The following NEDD9 variants were observed in gnomAD, a reference collection of about 807,000 sequenced individuals.
NEDD9 encodes neural precursor cell expressed, developmentally down-regulated 9.
In NEDD9, 26 loss-of-function variants were observed where a neutral mutation model predicts 76.6. The ratio of observed to expected loss-of-function variants is 0.34; its 90% CI spans 0.25 to 0.47. The LOEUF is 0.47. Among genes scored for constraint, NEDD9 ranks in the 20% least tolerant of loss-of-function variants. NEDD9 has a pLI of 1.00. For synonymous variants in NEDD9, 392 were observed against 414.2 expected (o/e 0.95, Z 0.65); for missense variants, 937 against 1,058.5 (o/e 0.89, Z 1.59).
rs756892559 is a variant in NEDD9, at chr6:11,192,439, T to C, written c.569A>G (p.Asp190Gly). The C allele has an allele frequency of 6.2e-7, 1 of 1,610,122 alleles. No homozygotes were observed. Among genetic ancestry groups the C allele is most frequent in the Non-Finnish European group, 8.5e-7 (1 of 1,178,556 alleles). The change falls in exon 4 of 7, where the codon GAC becomes GGC. Residue 190 changes from aspartate (D) to glycine (G), a missense_variant. By Grantham distance (94) the Asp-to-Gly change is moderately conservative. Coordinates refer to ENST00000379446, the MANE Select transcript of NEDD9 (RefSeq NM_006403.4). ...PPSHTTQGVY[D>G]IPPSSAKGPV... Reference sequence around the variant, plus strand: ...GCCTTTTGCTGATGAGGGAGGGATGTCGTATACCTGAAGAGAAACCCGTGA... The same window carrying C: ...GCCTTTTGCTGATGAGGGAGGGATGCCGTATACCTGAAGAGAAACCCGTGA...
chr6:11,185,767 C>T lies in NEDD9; in HGVS notation c.1996-96G>A, dbSNP rs1295636498. On this transcript the variant is annotated intron_variant, in intron 6 of 6. Transcript: ENST00000379446. ...GGAGTTAAAAGACAGGGATTTTAGT[C>T]GCTAGTAACTGTCAGATGCATGTGA... The T allele has an allele frequency of 2.1e-5, 30 of 1,427,788 alleles. No individual in the cohort carries two copies. The South Asian group carries it at 3.5e-4, about 17-fold the overall frequency. The allele number at this position is 1,427,788 out of a possible 1,614,324, so 88.4% of individuals were successfully genotyped here. A position where few individuals can be genotyped will look rare whatever the true frequency, so the allele number is the denominator to read the frequency against.
intron 1 of NEDD9, among the ~76,000 whole-genome samples, chr6:11,228,106 G>GC (rs201657894): frequency 0.027 from 3,747 of 136,954 alleles, 176 homozygotes; most frequent in African/African-American, 0.084. Flanking sequence ...CGGGTGGGGG[G>GC]CTGGGGAGTA....
At chr6:11,355,727 A>T (rs1183643273) in intron 1 of NEDD9, among the ~76,000 whole-genome samples, 4 of 150,072 alleles carry the variant, frequency 2.7e-5, no homozygotes, top group African/African-American at 7.4e-5. Context: ...TTTTTTTTTT[A>T]ATTATTTTTT....
intron 1 of NEDD9, among the ~76,000 whole-genome samples, chr6:11,376,472 C>A (rs1223614008): frequency 1.3e-5 from 2 of 152,086 alleles, no homozygotes; most frequent in East Asian, 3.9e-4. Flanking sequence ...TCTTATTATG[C>A]CCTAACAAAG....
chr6:11,185,754 CAG>C, intron 6 of NEDD9, 83 bp from the exon 7 acceptor site: 1 of 1,528,778 alleles, frequency 6.5e-7, no homozygotes, highest in Non-Finnish European at 8.8e-7. Flanking sequence ...AGTTAAAAGA[CAG>C]GGATTTTAGT....
chr6:11,301,177 C>T (rs1263699556), intron 3 of NEDD9, among the ~76,000 whole-genome samples: 1 of 151,980 alleles, frequency 6.6e-6, no homozygotes, highest in East Asian at 1.9e-4. Context: ...GGAAGATCTA[C>T]CAAACAAATG....
intron 2 of NEDD9, among the ~76,000 whole-genome samples, chr6:11,307,932 G>A (rs966194620): frequency 6.6e-6 from 1 of 152,016 alleles, no homozygotes; most frequent in African/African-American, 2.4e-5. Context: ...CTTTCTCAAG[G>A]GGAAAGAGGT....
Position 11,355,937 on chromosome 6 carries a change from G to A in NEDD9, c.-213-21376C>T, listed in dbSNP as rs1016687509. ...GGGGTTTCACCGTGTTAGCCAGGAT[G>A]GTCTCGATCTCCTGACCTCGTGATC... On this transcript the variant is annotated intron_variant, in intron 1 of 3. Coordinates refer to the NEDD9 transcript ENST00000397378. Among the ~76,000 whole-genome samples, 33 of 152,194 alleles carry A rather than the reference G, an allele frequency of 2.2e-4. No individual in the cohort carries two copies. In the East Asian group the frequency reaches 2.3e-3, roughly 11 times the overall value.
chr6:11,229,427 G>T (rs1759402974), intron 1 of NEDD9, among the ~76,000 whole-genome samples: 2 of 151,920 alleles, frequency 1.3e-5, no homozygotes, highest in South Asian at 4.2e-4. Context: ...CACAAACGGG[G>T]TGGGGTCTCG....
chr6:11,375,071 T>C (rs1180867523), intron 1 of NEDD9, among the ~76,000 whole-genome samples: 1 of 152,252 alleles, frequency 6.6e-6, no homozygotes, highest in Non-Finnish European at 1.5e-5. Context: ...GAAACAGGGA[T>C]AAATTTGGTG....
chr6:11,297,361 G>A (rs1338426500), intron 3 of NEDD9, among the ~76,000 whole-genome samples: 1 of 152,204 alleles, frequency 6.6e-6, no homozygotes, highest in African/African-American at 2.4e-5. Flanking sequence ...TATTAGTGCA[G>A]TTCCCTCAGG....
At chr6:11,307,632 TTATA>T (rs141347580) in intron 2 of NEDD9, among the ~76,000 whole-genome samples, 2 of 150,566 alleles carry the variant, frequency 1.3e-5, no homozygotes. Context: ...GTACCAGAAA[TTATA>T]TATATATATA....
At chr6:11,371,376 G>A (rs1185728692) in intron 1 of NEDD9, among the ~76,000 whole-genome samples, 4 of 152,114 alleles carry the variant, frequency 2.6e-5, no homozygotes, top group African/African-American at 9.7e-5. Context: ...TACCACTATC[G>A]TATCACGCAG....
intron 3 of NEDD9, among the ~76,000 whole-genome samples, chr6:11,276,381 G>A (rs1180589645): frequency 5.9e-5 from 9 of 151,398 alleles, no homozygotes; most frequent in East Asian, 1.9e-4. Flanking sequence ...ACCTGTGCAC[G>A]TGTGTGTGTG....
chr6:11,365,614 G>A (rs1048937246), intron 1 of NEDD9, among the ~76,000 whole-genome samples: 1 of 152,028 alleles, frequency 6.6e-6, no homozygotes, highest in African/African-American at 2.4e-5. Flanking sequence ...ATTTTGATGA[G>A]GTAAAACTGG....
At chr6:11,197,233 TC>T (rs1758316883) in intron 2 of NEDD9, among the ~76,000 whole-genome samples, 1 of 149,994 alleles carries the variant, frequency 6.7e-6, no homozygotes, top group South Asian at 2.2e-4. Context: ...GTTTTTCATT[TC>T]CTTTCCCCCT....
chr6:11,340,391 C>T (rs538498181), intron 1 of NEDD9, among the ~76,000 whole-genome samples: 62 of 152,236 alleles, frequency 4.1e-4, no homozygotes, highest in Admixed American at 2.2e-3. Flanking sequence ...ATTTGTAGAA[C>T]GCTTACTTCA....
intron 3 of NEDD9, among the ~76,000 whole-genome samples, chr6:11,293,240 T>C (rs997527170): frequency 6.6e-6 from 1 of 151,530 alleles, no homozygotes; most frequent in Non-Finnish European, 1.5e-5. Flanking sequence ...ATAAGATGGG[T>C]ATTATTATAT....
chr6:11,373,023 T>A (rs114800019), intron 1 of NEDD9, among the ~76,000 whole-genome samples: 1 of 152,158 alleles, frequency 6.6e-6, no homozygotes, highest in Non-Finnish European at 1.5e-5. Context: ...AAGAGGCCAA[T>A]TGAGTAAACC....
Sources: gnomAD v4.1 joint callset for allele counts (sites outside exome capture counted in the v4.1 genomes callset) on GRCh38, gnomAD v4.1.1 for gene constraint, MANE v1.5 for transcripts, NCBI Gene and HGNC (gene_info 2026-07-23, HGNC 2026-07-21) for gene names.